The following CNTNAP2 variants were observed in gnomAD, a reference collection of about 807,000 sequenced individuals.
The protein encoded by CNTNAP2 is contactin associated protein 2.
Under a neutral mutation model 155.2 loss-of-function variants are expected in CNTNAP2, and 98 were observed. The observed-to-expected ratio is 0.63, with a 90% CI of 0.54 to 0.75. The LOEUF (loss-of-function observed/expected upper bound fraction) is 0.75. Among genes scored for constraint, CNTNAP2 ranks in the 30% least tolerant of loss-of-function variants. The pLI is 0.00. For missense variants in CNTNAP2, 1,727 were observed against 1,688.1 expected (o/e 1.02, Z -0.40); for synonymous variants, 651 against 631.2 (o/e 1.03, Z -0.47).
intron 2 of CNTNAP2, among the ~76,000 whole-genome samples, chr7:146,796,862 C>T (rs939746247): frequency 1.2e-4 from 18 of 152,064 alleles, no homozygotes; most frequent in African/African-American, 3.1e-4. Context: ...CTTGGCCGGG[C>T]GCGGTGGCTC....
At chr7:146,340,237 A>G (rs1215460652) in intron 1 of CNTNAP2, among the ~76,000 whole-genome samples, 1 of 149,210 alleles carries the variant, frequency 6.7e-6, no homozygotes, top group Non-Finnish European at 1.5e-5. Context: ...TTGAAAGCCA[A>G]TTTTAACTCA....
At chr7:146,275,293 A>C (rs753265966) in intron 1 of CNTNAP2, among the ~76,000 whole-genome samples, 2 of 152,178 alleles carry the variant, frequency 1.3e-5, no homozygotes, top group African/African-American at 2.4e-5. Flanking sequence ...ACTTTTTAAA[A>C]ATGTTAAAAA....
At chr7:148,061,129 T>C (rs564019517) in intron 15 of CNTNAP2, among the ~76,000 whole-genome samples, 17 of 152,258 alleles carry the variant, frequency 1.1e-4, no homozygotes, top group African/African-American at 3.6e-4. Flanking sequence ...AATGAAGATA[T>C]AGGTTAAAGG....
chr7:148,089,749 A>T (rs1265374415), intron 15 of CNTNAP2, among the ~76,000 whole-genome samples: 1 of 151,742 alleles, frequency 6.6e-6, no homozygotes, highest in Non-Finnish European at 1.5e-5. Context: ...GCCTATAAAA[A>T]TTCCAATAAC....
intron 14 of CNTNAP2, among the ~76,000 whole-genome samples, chr7:147,934,031 T>C (rs1250477309): frequency 1.3e-5 from 2 of 151,628 alleles, no homozygotes; most frequent in Non-Finnish European, 2.9e-5. Flanking sequence ...AAGCAAAGAG[T>C]AGAATGCTGG....
chr7:147,842,742 C>G (rs13224527), intron 13 of CNTNAP2, among the ~76,000 whole-genome samples: 5 of 85,658 alleles, frequency 5.8e-5, no homozygotes, highest in African/African-American at 1.8e-4. Flanking sequence ...TCCCTCCCCC[C>G]TCCCCCGACC....
chr7:146,639,472 A>G (rs561271823), intron 1 of CNTNAP2, among the ~76,000 whole-genome samples: 2 of 152,300 alleles, frequency 1.3e-5, no homozygotes, highest in African/African-American at 4.8e-5. Context: ...GATTATTCCC[A>G]TTTTATGGGG....
At chr7:146,279,429 AACAC>A (rs60178387) in intron 1 of CNTNAP2, among the ~76,000 whole-genome samples, 6,106 of 144,618 alleles carry the variant, frequency 0.042, 180 homozygotes, top group African/African-American at 0.083. Context: ...CATTTCCTTA[AACAC>A]ACACACACAC....
At chr7:147,015,076 C>T (rs568195034) in intron 3 of CNTNAP2, among the ~76,000 whole-genome samples, 57 of 149,850 alleles carry the variant, frequency 3.8e-4, no homozygotes, top group Admixed American at 3.4e-3. Context: ...TTTATGGATG[C>T]TTTTGACACA....
At chr7:147,935,237 C>G (rs1800584002) in intron 14 of CNTNAP2, among the ~76,000 whole-genome samples, 1 of 152,050 alleles carries the variant, frequency 6.6e-6, no homozygotes, top group Non-Finnish European at 1.5e-5. Context: ...AGCGACTCTC[C>G]TGCCTCAGCC....
At chr7:147,305,026 C>T (rs1281081599) in intron 9 of CNTNAP2, among the ~76,000 whole-genome samples, 1 of 152,060 alleles carries the variant, frequency 6.6e-6, no homozygotes, top group South Asian at 2.1e-4. Context: ...TATGAGTGCA[C>T]CAGTCCCATC....
chr7:147,741,750 A>G (rs1356676716), intron 13 of CNTNAP2, among the ~76,000 whole-genome samples: 1 of 152,208 alleles, frequency 6.6e-6, no homozygotes, highest in Non-Finnish European at 1.5e-5. Context: ...ATTAGAATTC[A>G]TGATATTAAT....
intron 12 of CNTNAP2, among the ~76,000 whole-genome samples, chr7:147,580,985 C>T (rs1192248572): frequency 6.6e-6 from 1 of 152,194 alleles, no homozygotes; most frequent in African/African-American, 2.4e-5. Flanking sequence ...ACATCATCCT[C>T]AATAAAGTTC....
chr7:146,633,334 T>G (rs1799540709), intron 1 of CNTNAP2, among the ~76,000 whole-genome samples: 1 of 152,220 alleles, frequency 6.6e-6, no homozygotes, highest in African/African-American at 2.4e-5. Flanking sequence ...CTGGGGTTAC[T>G]CATTTTTATT....
At chr7:147,316,716 T>C (rs186318843) in intron 9 of CNTNAP2, among the ~76,000 whole-genome samples, 7 of 151,980 alleles carry the variant, frequency 4.6e-5, no homozygotes, top group African/African-American at 1.7e-4. Context: ...AGTAGTTATA[T>C]ACAAGAATGT....
At chr7:146,328,964 GC>G (rs1239574597) in intron 1 of CNTNAP2, among the ~76,000 whole-genome samples, 1 of 152,092 alleles carries the variant, frequency 6.6e-6, no homozygotes, top group East Asian at 1.9e-4. Flanking sequence ...TATGTATTTG[GC>G]TATCATGAAT....
At chr7:146,323,700 C>G (rs574306280) in intron 1 of CNTNAP2, among the ~76,000 whole-genome samples, 1 of 152,184 alleles carries the variant, frequency 6.6e-6, no homozygotes, top group Admixed American at 6.5e-5. Flanking sequence ...ATAGGACAAG[C>G]ATATTTCCAG....
intron 16 of CNTNAP2, among the ~76,000 whole-genome samples, chr7:148,133,095 A>G (rs1219416395): frequency 6.6e-6 from 1 of 152,208 alleles, no homozygotes; most frequent in Admixed American, 6.5e-5. Context: ...AACATTATGT[A>G]ATCTTCTTTA....
intron 8 of CNTNAP2, among the ~76,000 whole-genome samples, chr7:147,273,461 G>A (rs1480259351): frequency 2.6e-5 from 4 of 151,838 alleles, no homozygotes; most frequent in African/African-American, 7.3e-5. Context: ...CCCATCACCC[G>A]AATAGTGATC....
Sources: allele counts gnomAD v4.1 joint callset (sites outside exome capture counted in the v4.1 genomes callset), GRCh38; gene constraint gnomAD v4.1.1; transcripts MANE v1.5; gene names NCBI Gene and HGNC (gene_info 2026-07-23, HGNC 2026-07-21).